Variants in CNN2 observed in about 807,000 individuals in gnomAD.
CNN2 encodes the protein calponin 2.
In CNN2, 21 loss-of-function variants were observed where a neutral mutation model predicts 31.0. The observed-to-expected ratio is 0.68, with a 90% CI of 0.48 to 0.98. The LOEUF is 0.98. CNN2 is among the 50% of genes least tolerant of loss of function. The probability of loss-of-function intolerance (pLI) is 0.00; values close to 1 mark genes in which losing one functional copy is unlikely to be tolerated. For missense variants in CNN2, 399 were observed against 427.3 expected (o/e 0.93, Z 0.58); for synonymous variants, 165 against 179.6 (o/e 0.92, Z 0.65).
chr19:1,031,213 A>G (rs7247087), intron 2 of CNN2, 21 bp downstream of exon 2: 1,270,733 of 1,578,580 alleles, frequency 0.8, 512,668 homozygotes, highest in East Asian at 0.89. Context: ...GCAGGGACAC[A>G]GGCTGTCTCA....
chr19:1,033,213 A>G (rs546332567), intron 4 of CNN2, among the ~76,000 whole-genome samples: 6 of 151,766 alleles, frequency 4.0e-5, no homozygotes, highest in African/African-American at 7.3e-5. Flanking sequence ...ACAGCATTGT[A>G]TTATGCATTA....
chr19:1,026,637 C>T lies in CNN2; in HGVS notation c.-25C>T. The T allele has an allele frequency of 6.5e-7, 1 of 1,529,444 alleles. No homozygotes were observed. The highest frequency in any genetic ancestry group is 8.8e-7 in the Non-Finnish European group (1 of 1,138,328). 94.7% of individuals were successfully genotyped at this position (1,529,444 alleles called of 1,614,324 possible). On this transcript the variant is annotated 5_prime_UTR_variant, in exon 1 of 7. Transcript: ENST00000263097. ...CCGTCCCGTCCCGTCCTGTGCGGCCCCGTCCCGCCGCCCGCCCGCCAGCCA... is the reference window on the plus strand; with the variant it reads ...CCGTCCCGTCCCGTCCTGTGCGGCCTCGTCCCGCCGCCCGCCCGCCAGCCA...
chr19:1,026,897 T>C lies in CNN2; in HGVS notation c.63+173T>C, dbSNP rs549109689. ...TGGGGGGATGTCTGCGGGCACCCCC[T>C]GAGGCTCCCGCGAATCTTGGGGAGC... On this transcript the variant is annotated intron_variant, in intron 1 of 6. Coordinates refer to ENST00000263097, the MANE Select transcript of CNN2 (RefSeq NM_004368.4). 8.3e-6 allele frequency: 5 copies of C among 600,312 alleles called. No individual in the cohort carries two copies. In the Admixed American group the frequency reaches 1.5e-4, roughly 18 times the overall value. The allele number at this position is 600,312 out of a possible 1,614,324, so 37.2% of individuals were successfully genotyped here.
chr19:1,036,530 C>T lies in CNN2; in HGVS notation c.622C>T (p.Leu208Phe). The change falls in exon 6 of 7, where the codon CTC (leucine) becomes TTC (phenylalanine). Residue 208 changes from leucine to phenylalanine, a missense_variant. Leu to Phe is a conservative substitution (Grantham distance 22). Transcript: ENST00000263097. ...CCCCATGGACCACTCGACCATCAGC[C>T]TCCAGATGGGCACGAACAAGTGTGC... The part of the protein sequence containing the change: ...LPPMDHSTIS[L>F]QMGTNKCASQ... The T allele has an allele frequency of 1.2e-6, 2 of 1,613,684 alleles. No individual in the cohort carries two copies. The highest frequency in any genetic ancestry group is 1.7e-6 in the Non-Finnish European group (2 of 1,179,734).
At chr19:1,035,131 G>A (rs1038200513) in intron 4 of CNN2, among the ~76,000 whole-genome samples, 1 of 143,052 alleles carries the variant, frequency 7.0e-6, no homozygotes, top group African/African-American at 2.6e-5. Flanking sequence ...GGTGGGACAC[G>A]GTGTCTGGTG....
At chr19:1,030,736 A>T (rs568548295) in intron 1 of CNN2, among the ~76,000 whole-genome samples, 1 of 152,264 alleles carries the variant, frequency 6.6e-6, no homozygotes, top group African/African-American at 2.4e-5. Context: ...GTCAGGTGTG[A>T]TATAGCGGGG....
In CNN2 at chr19:1,037,764, G is replaced by A; in HGVS notation, c.794G>A (p.Gly265Asp). 1 of 1,611,610 alleles carries A rather than the reference G, an allele frequency of 6.2e-7. No individual in the cohort carries two copies. The highest frequency in any genetic ancestry group is 8.5e-7 in the Non-Finnish European group (1 of 1,180,034). Reference protein sequence around the residue: ...ANQSGQVFGLGRQIYDPKYCP... With the variant: ...ANQSGQVFGLDRQIYDPKYCP... ...CAGAGCGGCCAGGTCTTCGGCCTGG[G>A]CCGGCAGATATATGACCCCAAGTAC... The change falls in exon 7 of 7, where the codon GGC (glycine) becomes GAC (aspartate). Residue 265 changes from glycine (G) to aspartate (D), a missense_variant. Coordinates refer to ENST00000263097, the MANE Select transcript of CNN2 (RefSeq NM_004368.4).
At chr19:1,030,781 C>T (rs1454161009) in intron 1 of CNN2, among the ~76,000 whole-genome samples, 1 of 152,140 alleles carries the variant, frequency 6.6e-6, no homozygotes, top group South Asian at 2.1e-4. Flanking sequence ...CAGATCCGGC[C>T]AGGTTTGTCC....
intron 6 of CNN2, 136 bp downstream of exon 6, chr19:1,036,698 C>A (rs1209722865): frequency 9.6e-7 from 1 of 1,041,208 alleles, no homozygotes; most frequent in Non-Finnish European, 1.5e-6. Flanking sequence ...CCTCCGGCTT[C>A]CCTCCCCGCT....
Position 1,036,179 on chromosome 19 carries a change from C to T in CNN2, c.440C>T (p.Ser147Leu), listed in dbSNP as rs765087565. Residue 147 changes from serine (S) to leucine (L), a missense_variant, in exon 5 of 7, where the codon TCG becomes TTG. By Grantham distance (145) the Ser-to-Leu change is moderately radical (BLOSUM62 -2). Coordinates refer to ENST00000263097, the MANE Select transcript of CNN2 (RefSeq NM_004368.4). ...GGGGTGGACATTGGCGTCAAGTACTCGGAGAAGCAGGAGCGGAATTTCGAC... is the reference window on the plus strand; with the variant it reads ...GGGGTGGACATTGGCGTCAAGTACTTGGAGAAGCAGGAGCGGAATTTCGAC... Reference protein sequence around the residue: ...QSGVDIGVKYSEKQERNFDDA... With the variant: ...QSGVDIGVKYLEKQERNFDDA... 2 of 1,612,414 alleles carry T rather than the reference C, an allele frequency of 1.2e-6. No individual in the cohort carries two copies. Among genetic ancestry groups the T allele is most frequent in the Non-Finnish European group, 1.7e-6 (2 of 1,179,206 alleles).
rs1355264760 is a variant in CNN2, at chr19:1,039,023, C to G, written c.*1123C>G. The G allele has an allele frequency of 1.3e-5, 2 of 152,382 alleles. No individual in the cohort carries two copies. Among genetic ancestry groups the G allele is most frequent in the African/African-American group, 2.4e-5 (1 of 41,444 alleles). 9.4% of individuals were successfully genotyped at this position (152,382 alleles called of 1,614,324 possible). A position where few individuals can be genotyped will look rare whatever the true frequency, so the allele number is the denominator to read the frequency against. On this transcript the variant is annotated 3_prime_UTR_variant, in exon 7 of 7. Transcript: ENST00000263097. Reference sequence around the variant, plus strand: ...CTGCTCCGTGAGATAATGTGAAATACGACTGTGGACCAAACGCAATAAAAC... The same window carrying G: ...CTGCTCCGTGAGATAATGTGAAATAGGACTGTGGACCAAACGCAATAAAAC...
At chr19:1,035,176 T>G (rs1332374215) in intron 4 of CNN2, among the ~76,000 whole-genome samples, 2 of 144,722 alleles carry the variant, frequency 1.4e-5, no homozygotes, top group Non-Finnish European at 3.1e-5. Context: ...GTGTCTGGTG[T>G]AGACGGGGAG....
chr19:1,030,381 C>G (rs1027532398), intron 1 of CNN2, among the ~76,000 whole-genome samples: 1 of 152,160 alleles, frequency 6.6e-6, no homozygotes, highest in Non-Finnish European at 1.5e-5. Context: ...AATCCCAGCA[C>G]TTTGGAGGGC....
chr19:1,030,952 AGGC>A (rs2039479293), intron 1 of CNN2, 116 bp from the exon 2 acceptor site: 1 of 1,286,202 alleles, frequency 7.8e-7, no homozygotes, highest in South Asian at 1.5e-5. Flanking sequence ...GGGGACCTCC[AGGC>A]CGCTCTATCT....
intron 2 of CNN2, 89 bp downstream of exon 2, chr19:1,031,281 G>T (rs2039488103): frequency 1.7e-6 from 2 of 1,158,448 alleles, no homozygotes; most frequent in Non-Finnish European, 2.2e-6. Flanking sequence ...TTTTTGGGGG[G>T]CCGGGCATGG....
chr19:1,030,112 G>A (rs531300591), intron 1 of CNN2, among the ~76,000 whole-genome samples: 2 of 152,224 alleles, frequency 1.3e-5, no homozygotes, highest in South Asian at 2.1e-4. Context: ...CTGTCTCCGC[G>A]GTCACTAGTG....
chr19:1,036,896 C>G (rs1451367635), intron 6 of CNN2: 2 of 380,100 alleles, frequency 5.3e-6, no homozygotes, highest in African/African-American at 4.3e-5. Flanking sequence ...CTCTGTTGTC[C>G]AGGCTGGAGT....
chr19:1,037,430 G>A lies in CNN2; in HGVS notation c.655-195G>A, dbSNP rs946831419. 2.2e-5 allele frequency: 14 copies of A among 644,750 alleles called. No homozygotes were observed. In the East Asian group the frequency reaches 2.5e-4, roughly 12 times the overall value. The allele number at this position is 644,750 out of a possible 1,614,324, so 39.9% of individuals were successfully genotyped here. ...TGGGATTACAGGCATGTGCCACCAC[G>A]CCCAGCTAATTTTGTATTTTTGGGA... On this transcript the variant is annotated intron_variant, in intron 6 of 6. Coordinates refer to ENST00000263097, the MANE Select transcript of CNN2 (RefSeq NM_004368.4).
At chr19:1,036,630 C>A in intron 6 of CNN2, 68 bp downstream of exon 6, 4 of 1,579,256 alleles carry the variant, frequency 2.5e-6, no homozygotes, top group Non-Finnish European at 2.6e-6. Context: ...TCGGCCCCTC[C>A]CTGGGGCCAC....
Sources: allele counts gnomAD v4.1 joint callset (sites outside exome capture counted in the v4.1 genomes callset), GRCh38; gene constraint gnomAD v4.1.1; transcripts MANE v1.5; gene names NCBI Gene and HGNC (gene_info 2026-07-23, HGNC 2026-07-21).